The following SGCD variants were observed in gnomAD, a reference collection of about 807,000 sequenced individuals.
SGCD encodes delta-sarcoglycan.
A neutral mutation model predicts 36.6 loss-of-function variants in SGCD; 18 were observed. The ratio of observed to expected loss-of-function variants is 0.49; its 90% CI spans 0.34 to 0.73. The LOEUF is 0.73. Ranked by LOEUF, SGCD falls within the 30% of genes least tolerant of loss-of-function variation. The pLI is 0.01. For missense variants in SGCD, 387 were observed against 346.7 expected, an observed-to-expected ratio of 1.12 and a Z score of -0.92; for synonymous variants, 133 against 130.6, an observed-to-expected ratio of 1.02 and a Z score of -0.12.
At chr5:155,996,998 A>G (rs1758568594) in intron 1 of SGCD, among the ~76,000 whole-genome samples, 1 of 152,134 alleles carries the variant, frequency 6.6e-6, no homozygotes, top group Admixed American at 6.6e-5. Context: ...TGTCCTTTCC[A>G]TATGTTTAAT....
intron 6 of SGCD, among the ~76,000 whole-genome samples, chr5:156,638,935 A>C (rs1281990667): frequency 6.6e-6 from 1 of 152,032 alleles, no homozygotes; most frequent in African/African-American, 2.4e-5. Context: ...TCAAAAGAGA[A>C]TGTCTTATTT....
At chr5:156,380,206 T>G (rs1027056377) in intron 3 of SGCD, among the ~76,000 whole-genome samples, 17 of 152,108 alleles carry the variant, frequency 1.1e-4, no homozygotes, top group African/African-American at 4.1e-4. Flanking sequence ...TCATCTGTGT[T>G]CCCTCTGGGT....
chr5:156,486,598 C>T (rs1755672518), intron 3 of SGCD, among the ~76,000 whole-genome samples: 1 of 152,182 alleles, frequency 6.6e-6, no homozygotes, highest in Non-Finnish European at 1.5e-5. Context: ...CCTGCATACA[C>T]TATTGCAGGC....
At chr5:155,969,235 T>C (rs141076158) in intron 1 of SGCD, among the ~76,000 whole-genome samples, 112 of 152,260 alleles carry the variant, frequency 7.4e-4, no homozygotes, top group African/African-American at 2.5e-3. Context: ...TCATGAAAGA[T>C]TGACATGGCA....
chr5:156,692,132 T>C (rs1319894863), intron 7 of SGCD, among the ~76,000 whole-genome samples: 1 of 152,208 alleles, frequency 6.6e-6, no homozygotes, highest in Non-Finnish European at 1.5e-5. Context: ...GAAATAACAG[T>C]ATTTACAATC....
At chr5:156,523,798 T>C (rs1316984675) in intron 4 of SGCD, among the ~76,000 whole-genome samples, 10 of 151,828 alleles carry the variant, frequency 6.6e-5, no homozygotes, top group Non-Finnish European at 1.5e-5. Context: ...GTCACTATTG[T>C]GTCATACCCA....
At chr5:156,087,495 C>G (rs1295704180) in intron 1 of SGCD, among the ~76,000 whole-genome samples, 2 of 151,940 alleles carry the variant, frequency 1.3e-5, no homozygotes, top group Non-Finnish European at 2.9e-5. Context: ...AAAAAATTAG[C>G]TGGGCATGGT....
intron 1 of SGCD, among the ~76,000 whole-genome samples, chr5:156,068,900 T>A (rs1463859526): frequency 6.6e-5 from 10 of 152,088 alleles, no homozygotes; most frequent in Non-Finnish European, 1.3e-4. Flanking sequence ...TTCATGTGTT[T>A]TTTGGCTGCG....
intron 3 of SGCD, among the ~76,000 whole-genome samples, chr5:156,363,766 C>T (rs963509716): frequency 2.6e-5 from 4 of 152,134 alleles, no homozygotes; most frequent in African/African-American, 9.7e-5. Flanking sequence ...TCCCTTATTT[C>T]CCTAATAAAT....
At chr5:156,409,525 C>T (rs1772627730) in intron 3 of SGCD, among the ~76,000 whole-genome samples, 2 of 152,196 alleles carry the variant, frequency 1.3e-5, no homozygotes, top group African/African-American at 2.4e-5. Context: ...TTATTTGCAG[C>T]ATACCCCTTT....
intron 1 of SGCD, among the ~76,000 whole-genome samples, chr5:155,903,613 CACACAT>C (rs1756438443): frequency 6.6e-6 from 1 of 152,134 alleles, no homozygotes; most frequent in African/African-American, 2.4e-5. Context: ...GCATGGACAA[CACACAT>C]ATACATTAAA....
At chr5:156,721,809 T>C (rs1755524787) in intron 7 of SGCD, among the ~76,000 whole-genome samples, 1 of 151,862 alleles carries the variant, frequency 6.6e-6, no homozygotes, top group Non-Finnish European at 1.5e-5. Flanking sequence ...TGATGCAGAG[T>C]GAGTGGGTGT....
chr5:156,016,168 C>T (rs1156647772), intron 1 of SGCD, among the ~76,000 whole-genome samples: 2 of 151,972 alleles, frequency 1.3e-5, no homozygotes, highest in Middle Eastern at 3.2e-3. Flanking sequence ...AACAATACCT[C>T]GGTAAAAACA....
intron 6 of SGCD, among the ~76,000 whole-genome samples, chr5:156,602,555 C>T (rs1337784183): frequency 3.3e-5 from 5 of 152,070 alleles, no homozygotes; most frequent in African/African-American, 1.2e-4. Context: ...GGGAACTTCC[C>T]ATTCAGTATG....
At chr5:156,550,540 T>A (rs955173765) in intron 4 of SGCD, among the ~76,000 whole-genome samples, 13 of 152,176 alleles carry the variant, frequency 8.5e-5, no homozygotes, top group African/African-American at 2.9e-4. Context: ...TACACTCAGA[T>A]CCCTTGGTCC....
At chr5:156,609,690 C>T (rs1217186421) in intron 6 of SGCD, among the ~76,000 whole-genome samples, 16 of 152,324 alleles carry the variant, frequency 1.1e-4, no homozygotes, top group Admixed American at 1.0e-3. Flanking sequence ...ACCAATCAGA[C>T]ATAGATTTGG....
chr5:156,473,495 TA>T, intron 3 of SGCD, among the ~76,000 whole-genome samples: 1 of 152,366 alleles, frequency 6.6e-6, no homozygotes, highest in South Asian at 2.1e-4. Context: ...ATGAATTGTT[TA>T]CTTCTGTTAT....
chr5:156,095,369 G>A (rs992917252), intron 1 of SGCD, among the ~76,000 whole-genome samples: 4 of 152,174 alleles, frequency 2.6e-5, no homozygotes, highest in African/African-American at 9.7e-5. Context: ...TAACTGAAGG[G>A]CAACAAGTGA....
chr5:156,384,346 T>C (rs572843804), intron 3 of SGCD, among the ~76,000 whole-genome samples: 1 of 152,338 alleles, frequency 6.6e-6, no homozygotes, highest in South Asian at 2.1e-4. Flanking sequence ...ATTGCCTAAA[T>C]CTATGTGAGA....
Sources: gnomAD v4.1 joint callset for allele counts (sites outside exome capture counted in the v4.1 genomes callset) on GRCh38, gnomAD v4.1.1 for gene constraint, MANE v1.5 for transcripts, NCBI Gene and HGNC (gene_info 2026-07-23, HGNC 2026-07-21) for gene names.